The following IRS2 variants were observed in gnomAD, a reference collection of about 807,000 sequenced individuals.
The protein encoded by IRS2 is insulin receptor substrate 2.
A neutral mutation model predicts 70.9 loss-of-function variants in IRS2; 28 were observed. The observed-to-expected ratio is 0.39, with a 90% CI of 0.29 to 0.54. The LOEUF is 0.54. Among genes scored for constraint, IRS2 ranks in the 20% least tolerant of loss-of-function variants. IRS2 has a pLI of 0.59. For synonymous variants in IRS2, 1,217 were observed against 981.9 expected, an observed-to-expected ratio of 1.24 and a Z score of -4.48; for missense variants, 2,081 against 2,024.1, an observed-to-expected ratio of 1.03 and a Z score of -0.54.
intron 1 of IRS2, among the ~76,000 whole-genome samples, chr13:109,773,995 G>A (rs1191320231): frequency 3.3e-5 from 5 of 152,138 alleles, no homozygotes; most frequent in Non-Finnish European, 5.9e-5. Flanking sequence ...CTAAGACTCC[G>A]GACCTCACAC....
In IRS2 at chr13:109,784,116, G is replaced by A. The variant is rs150566914; in HGVS notation, c.1938C>T (p.Asn646=). The A allele has an allele frequency of 1.0e-4, 162 of 1,595,022 alleles. No homozygotes were observed. Among genetic ancestry groups the A allele is most frequent in the African/African-American group, 5.3e-4 (40 of 74,930 alleles). The change falls in exon 1 of 2, where the codon AAC becomes AAT. Residue 646 remains asparagine, a synonymous_variant. Coordinates refer to ENST00000375856, the MANE Select transcript of IRS2 (RefSeq NM_003749.3). The surrounding 1 kb of genome is among the most constrained non-coding windows in gnomAD (Gnocchi z 5.2). ...GCATGTAGCCGTCGTCTGCCCCCAG[G>A]TTGCTGCTGGAGCTCCTGTGGGAGC... ...EIGSHRSSSS[N]LGADDGYMPM...
chr13:109,756,017 T>C lies in IRS2; in HGVS notation c.*287A>G, dbSNP rs1877099137. 2.1e-6 allele frequency: 1 copy of C among 471,594 alleles called. No homozygotes were observed. The highest frequency in any genetic ancestry group is 3.8e-6 in the Non-Finnish European group (1 of 261,794). 29.2% of individuals were successfully genotyped at this position (471,594 alleles called of 1,614,324 possible). ...CAATTTAAGAAGGCCAATGAAAACA[T>C]CCAATTTTCTTGAGAATAACTTCTT... On this transcript the variant is annotated 3_prime_UTR_variant, in exon 2 of 2. Transcript: ENST00000375856.
chr13:109,772,784 T>C lies in IRS2; in HGVS notation c.4012+9258A>G, dbSNP rs9559649. On this transcript the variant is annotated intron_variant, in intron 1 of 1. Transcript: ENST00000375856. ...GATCTCGGCTCACTGCAAGCTCCGC[T>C]TCCCGGGTTCACGCCATTCTCCTGC... is the stretch of plus-strand genomic sequence containing the variant. 2.3e-3 allele frequency among the ~76,000 whole-genome samples: 344 copies of C among 150,806 alleles called. 15 individuals are homozygous for C. In the East Asian group the frequency reaches 0.049, roughly 22 times the overall value.
Position 109,783,145 on chromosome 13 carries a change from C to T in IRS2, c.2909G>A (p.Arg970Gln), listed in dbSNP as rs1475680302. ...SGTPGTSSDSRQRSPLSDYMN... is the reference protein window; with the variant it reads ...SGTPGTSSDSQQRSPLSDYMN... Reference sequence around the variant, plus strand: ...GTAGTCGGAGAGCGGAGACCGCTGCCGGCTGTCGCTGCTGGTGCCCGGGGT... The same window carrying T: ...GTAGTCGGAGAGCGGAGACCGCTGCTGGCTGTCGCTGCTGGTGCCCGGGGT... Residue 970 changes from arginine to glutamine, a missense_variant, in exon 1 of 2, where the codon CGG (arginine) becomes CAG (glutamine). Physicochemically the swap from Arg to Gln is conservative, Grantham distance 43. Around this residue, in one of 4 missense-constraint regions of IRS2, gnomAD observed 1,615 missense variants for 1,459.5 expected, o/e 1.11. Coordinates refer to ENST00000375856, the MANE Select transcript of IRS2 (RefSeq NM_003749.3). The T allele has an allele frequency of 8.7e-6, 12 of 1,380,372 alleles. No individual in the cohort carries two copies. Among genetic ancestry groups the T allele is most frequent in the Non-Finnish European group, 1.0e-5 (11 of 1,073,228 alleles). The allele number at this position is 1,380,372 out of a possible 1,614,324, so 85.5% of individuals were successfully genotyped here.
At position 109,783,657 on chromosome 13, in the gene IRS2, G is replaced by A. The variant is rs754418773; in HGVS notation, c.2397C>T (p.Pro799=). Residue 799 remains proline (P), a synonymous_variant, in exon 1 of 2, where the codon CCC becomes CCT. Transcript: ENST00000375856. ...HPGGEPLRGV[P]GCCYSSLPRS... is the part of the protein sequence containing the mutation. ...GGGGCAAGGAGCTGTAGCAGCAGCC[G>A]GGAACGCCCCTGAGCGGCTCCCCGC... 1.3e-5 allele frequency: 20 copies of A among 1,555,548 alleles called. No individual in the cohort carries two copies. Among genetic ancestry groups the A allele is most frequent in the South Asian group, 3.5e-5 (3 of 84,804 alleles).
In IRS2 at chr13:109,783,325, G is replaced by A; in HGVS notation, c.2729C>T (p.Pro910Leu). 6.4e-7 allele frequency: 1 copy of A among 1,556,976 alleles called. No individual in the cohort carries two copies. The change falls in exon 1 of 2, where the codon CCA becomes CTA. Residue 910 changes from proline (P) to leucine (L), a missense_variant. Pro to Leu is a moderately conservative substitution (Grantham distance 98). This residue lies in a region of IRS2 where 1,615 missense variants were observed against 1,459.5 expected (regional missense o/e 1.11). Transcript: ENST00000375856. ...CTCGCCGGGGCTCTTGGGCTCCGGTGGCAGTGGGTACTCGTGCATGCTGGG... is the reference window on the plus strand; with the variant it reads ...CTCGCCGGGGCTCTTGGGCTCCGGTAGCAGTGGGTACTCGTGCATGCTGGG... ...SLPSMHEYPLPPEPKSPGEYI... is the reference protein window; with the variant it reads ...SLPSMHEYPLLPEPKSPGEYI...
rs868518499 is a variant in IRS2, at chr13:109,782,765, G to C, written c.3289C>G (p.Arg1097Gly). Residue 1097 changes from arginine to glycine, a missense_variant, in exon 1 of 2, where the codon CGC becomes GGC. Around this residue, in one of 4 missense-constraint regions of IRS2, gnomAD observed 1,615 missense variants for 1,459.5 expected, o/e 1.11. Transcript: ENST00000375856. ...ACGCCCGACGTCGGGCTGGCCACGC[G>C]GGCAGCTTCTGGCTTCGGGGGGGCC... ...IAAPPKPEAA[R>G]VASPTSGVKR... is the part of the protein sequence containing the mutation. 3 of 1,602,840 alleles carry C rather than the reference G, an allele frequency of 1.9e-6. No individual in the cohort carries two copies. Among genetic ancestry groups the C allele is most frequent in the African/African-American group, 1.3e-5 (1 of 74,716 alleles).
At chr13:109,776,388 G>A (rs1221798457) in intron 1 of IRS2, among the ~76,000 whole-genome samples, 2 of 152,120 alleles carry the variant, frequency 1.3e-5, no homozygotes, top group African/African-American at 2.4e-5. Context: ...AGTGTCTTTG[G>A]ACACATAAAA....
At chr13:109,777,341 G>GA (rs1285569289) in intron 1 of IRS2, among the ~76,000 whole-genome samples, 1 of 152,054 alleles carries the variant, frequency 6.6e-6, no homozygotes, top group Non-Finnish European at 1.5e-5. Flanking sequence ...CGTTTCTAAA[G>GA]AAAATGCATT....
At chr13:109,765,334 G>A (rs1481819196) in intron 1 of IRS2, among the ~76,000 whole-genome samples, 2 of 152,194 alleles carry the variant, frequency 1.3e-5, no homozygotes, top group Non-Finnish European at 2.9e-5. Context: ...TAAGACAGCA[G>A]CAGCTGATCA....
At chr13:109,772,616 AG>A (rs1439045242) in intron 1 of IRS2, among the ~76,000 whole-genome samples, 1 of 151,538 alleles carries the variant, frequency 6.6e-6, no homozygotes, top group East Asian at 1.9e-4. Flanking sequence ...TGATGCTGAG[AG>A]GCCTGACAGC....
intron 1 of IRS2, among the ~76,000 whole-genome samples, chr13:109,770,561 T>C (rs939005976): frequency 2.0e-5 from 3 of 152,214 alleles, no homozygotes; most frequent in African/African-American, 7.2e-5. Flanking sequence ...ACCAGTACTG[T>C]GAATGTTCCA....
At chr13:109,781,728 C>T (rs1028996650) in intron 1 of IRS2, among the ~76,000 whole-genome samples, 1 of 152,134 alleles carries the variant, frequency 6.6e-6, no homozygotes, top group African/African-American at 2.4e-5. Context: ...TGTGGCCGGT[C>T]TGGGAGAACT....
chr13:109,782,285 C>T lies in IRS2; in HGVS notation c.3769G>A (p.Asp1257Asn), dbSNP rs940747787. The T allele has an allele frequency of 1.9e-6, 3 of 1,610,834 alleles. No homozygotes were observed. Among genetic ancestry groups the T allele is most frequent in the Non-Finnish European group, 2.5e-6 (3 of 1,179,204 alleles). The change falls in exon 1 of 2, where the codon GAC (aspartate) becomes AAC (asparagine). Residue 1257 changes from aspartate to asparagine, a missense_variant. By Grantham distance (23) the Asp-to-Asn change is conservative. Around this residue, in one of 4 missense-constraint regions of IRS2, gnomAD observed 1,615 missense variants for 1,459.5 expected, o/e 1.11. Transcript: ENST00000375856. ...GGCAGCCCGGGCTCCTCCCTCACGTCGATGGCGATGTAGTTGAGACCATTC... is the reference window on the plus strand; with the variant it reads ...GGCAGCCCGGGCTCCTCCCTCACGTTGATGGCGATGTAGTTGAGACCATTC... ...FQNGLNYIAI[D>N]VREEPGLPPQ...
In IRS2 at chr13:109,785,988, G is replaced by GTTGTTT. The variant is rs1566415204; in HGVS notation, c.65_66insAAACAA (p.Asn21_Asn22insLysAsn). On this transcript the variant is annotated inframe_insertion, in exon 1 of 2. Transcript: ENST00000375856. This position sits in a 1 kb window ranked among gnomAD's most constrained non-coding sequence, Gnocchi z 9.3. ...CGCTGTGGTTGTTGTTGTTGTTGTT[G>GTTGTTT]TTGTTGAGGTTGGGGCCGTCTCCGC... The GTTGTTT allele has an allele frequency of 2.0e-6, 3 of 1,479,828 alleles. No homozygotes were observed. Among genetic ancestry groups the GTTGTTT allele is most frequent in the Non-Finnish European group, 1.8e-6 (2 of 1,120,808 alleles). 91.7% of individuals were successfully genotyped at this position (1,479,828 alleles called of 1,614,324 possible).
chr13:109,781,107 T>C (rs1408313341), intron 1 of IRS2, among the ~76,000 whole-genome samples: 1 of 152,134 alleles, frequency 6.6e-6, no homozygotes, highest in Non-Finnish European at 1.5e-5. Flanking sequence ...CTCTGAAAAA[T>C]GTCCGTCCCT....
In IRS2 at chr13:109,784,629, G is replaced by A. The variant is rs887060491; in HGVS notation, c.1425C>T (p.His475=). 1.5e-6 allele frequency: 2 copies of A among 1,325,296 alleles called. No individual in the cohort carries two copies. Among genetic ancestry groups the A allele is most frequent in the Non-Finnish European group, 1.9e-6 (2 of 1,042,996 alleles). The allele number at this position is 1,325,296 out of a possible 1,614,324, so 82.1% of individuals were successfully genotyped here. ...CGCTGGAGGGCCGCTGGCCGGGGCC[G>A]TGGTGCAGCGGATGCGGCAGAGGCG... The part of the protein sequence containing the change: ...PHPPLPHPLH[H]GPGQRPSSGS... Residue 475 remains histidine (H), a synonymous_variant, in exon 1 of 2, where the codon CAC becomes CAT. Coordinates refer to ENST00000375856, the MANE Select transcript of IRS2 (RefSeq NM_003749.3). This position sits in a 1 kb window ranked among gnomAD's most constrained non-coding sequence, Gnocchi z 5.2.
At position 109,784,458 on chromosome 13, in the gene IRS2, G is replaced by C. The variant is rs2138935834; in HGVS notation, c.1596C>G (p.Asp532Glu). 1 of 1,582,800 alleles carries C rather than the reference G, an allele frequency of 6.3e-7. No homozygotes were observed. Reference protein sequence around the residue: ...ESIAETPPARDGGGGGEFYGY... With the variant: ...ESIAETPPAREGGGGGEFYGY... ...CGTAGAACTCACCGCCGCCGCCGCCGTCTCGGGCCGGGGGCGTCTCCGCGA... is the reference window on the plus strand; with the variant it reads ...CGTAGAACTCACCGCCGCCGCCGCCCTCTCGGGCCGGGGGCGTCTCCGCGA... Residue 532 changes from aspartate (D) to glutamate (E), a missense_variant, in exon 1 of 2, where the codon GAC (aspartate) becomes GAG (glutamate). Physicochemically the swap from Asp to Glu is conservative, Grantham distance 45. Coordinates refer to ENST00000375856, the MANE Select transcript of IRS2 (RefSeq NM_003749.3). The surrounding 1 kb of genome is among the most constrained non-coding windows in gnomAD (Gnocchi z 5.2).
chr13:109,764,777 GAAC>G (rs1566406271), intron 1 of IRS2, among the ~76,000 whole-genome samples: 5 of 152,176 alleles, frequency 3.3e-5, no homozygotes, highest in African/African-American at 1.2e-4. Flanking sequence ...ATGATACCAC[GAAC>G]AACCACAACT....
Sources: allele counts gnomAD v4.1 joint callset (sites outside exome capture counted in the v4.1 genomes callset), GRCh38; gene constraint gnomAD v4.1.1; regional missense constraint gnomAD v4.1.1; non-coding constraint Gnocchi (gnomAD v3.1); transcripts MANE v1.5; gene names NCBI Gene and HGNC (gene_info 2026-07-23, HGNC 2026-07-21).